The following CLDND2 variants were observed in gnomAD, a reference collection of about 807,000 sequenced individuals.
The protein encoded by CLDND2 is claudin domain-containing protein 2.
CLDND2 carries 18 observed loss-of-function variants against 17.7 expected under a neutral mutation model. That is an observed-to-expected ratio of 1.02 (90% CI 0.70 to 1.51). CLDND2 has a LOEUF of 1.51. CLDND2 is among the 40% of genes most tolerant of loss of function. CLDND2 has a pLI of 0.00. For synonymous variants in CLDND2, 113 were observed against 93.0 expected (o/e 1.22, Z -1.24); for missense variants, 233 against 219.6 (o/e 1.06, Z -0.39).
rs1040713126 is a variant in CLDND2 at position 51,368,091 on chromosome 19, C to T, written c.170-65G>A. On this transcript the variant is annotated intron_variant, in intron 1 of 3. Transcript: ENST00000291715. ...CCAGTCACTACGGGTTCGGCCGCAA[C>T]CGGAAGCTCTCCCGTCTCCTGCCCC... The T allele has an allele frequency of 4.1e-5, 61 of 1,498,302 alleles. No individual in the cohort carries two copies. In the African/African-American group the frequency reaches 7.2e-4, roughly 18 times the overall value. The allele number at this position is 1,498,302 out of a possible 1,614,324, so 92.8% of individuals were successfully genotyped here.
rs975868654 is a variant in CLDND2 at position 51,368,885 on chromosome 19, C to T, written c.-308G>A. The T allele has an allele frequency of 3.0e-5, 9 of 303,988 alleles. No homozygotes were observed. The highest frequency in any genetic ancestry group is 5.0e-5 in the Non-Finnish European group (8 of 161,086). The allele number at this position is 303,988 out of a possible 1,614,324, so 18.8% of individuals were successfully genotyped here. A position where few individuals can be genotyped will look rare whatever the true frequency, so the allele number is the denominator to read the frequency against. Reference sequence around the variant, plus strand: ...CTTCCCAGAGACCTCCCCCGACAGCCGAACGCCCTTTCAGCCCAGCCTGTT... The same window carrying T: ...CTTCCCAGAGACCTCCCCCGACAGCTGAACGCCCTTTCAGCCCAGCCTGTT... On this transcript the variant is annotated 5_prime_UTR_variant, in exon 1 of 4. Coordinates refer to ENST00000291715, the MANE Select transcript of CLDND2 (RefSeq NM_152353.3).
At chr19:51,366,927 C>T (rs1986407292), downstream of CLDND2, among the ~76,000 whole-genome samples, 1 of 152,076 alleles carries the variant, frequency 6.6e-6, no homozygotes, top group African/African-American at 2.4e-5. Context: ...GGCCCCGCCC[C>T]TCCCACATGT....
Position 51,367,359 on chromosome 19 carries a change from AGAGGTCCCCGG to A in CLDND2, c.430+87_430+97del. 7.2e-7 allele frequency: 1 copy of A among 1,381,186 alleles called. No individual in the cohort carries two copies. Among genetic ancestry groups the A allele is most frequent in the Non-Finnish European group, 1.0e-6 (1 of 990,306 alleles). The allele number at this position is 1,381,186 out of a possible 1,614,324, so 85.6% of individuals were successfully genotyped here. Reference sequence around the variant, plus strand: ...TCGTTAGTGTGTTGGGGAGTCCCCGAGAGGTCCCCGGGGTTTCCTGGGAGGGCAGCTGGGGA... The same window carrying A: ...TCGTTAGTGTGTTGGGGAGTCCCCGAGGTTTCCTGGGAGGGCAGCTGGGGA... On this transcript the variant is annotated intron_variant, in intron 3 of 3. Coordinates refer to ENST00000291715, the MANE Select transcript of CLDND2 (RefSeq NM_152353.3). This position sits in a 1 kb window ranked among gnomAD's most constrained non-coding sequence, Gnocchi z 7.4.
downstream of CLDND2, among the ~76,000 whole-genome samples, chr19:51,366,931 C>T (rs1009321962): frequency 1.7e-4 from 26 of 152,082 alleles, no homozygotes; most frequent in African/African-American, 5.6e-4. Context: ...CCGCCCCTCC[C>T]ACATGTCCCT....
At position 51,367,758 on chromosome 19, in the gene CLDND2, C is replaced by G; in HGVS notation, c.310+128G>C. 1 of 1,479,968 alleles carries G rather than the reference C, an allele frequency of 6.8e-7. No individual in the cohort carries two copies. Among genetic ancestry groups the G allele is most frequent in the Non-Finnish European group, 8.9e-7 (1 of 1,118,768 alleles). The allele number at this position is 1,479,968 out of a possible 1,614,324, so 91.7% of individuals were successfully genotyped here. On this transcript the variant is annotated intron_variant, in intron 2 of 3. Transcript: ENST00000291715. This position sits in a 1 kb window ranked among gnomAD's most constrained non-coding sequence, Gnocchi z 7.4. ...TCTGTCTCGAGCCCCGCCCACCTCT[C>G]TCGGCTTCTTCCAGCCCTGCCCCTC... is the stretch of plus-strand genomic sequence containing the variant.
At position 51,367,694 on chromosome 19, in the gene CLDND2, C is replaced by G; in HGVS notation, c.311-118G>C. 3.3e-6 allele frequency: 5 copies of G among 1,493,114 alleles called. No individual in the cohort carries two copies. Among genetic ancestry groups the G allele is most frequent in the Non-Finnish European group, 4.5e-6 (5 of 1,121,664 alleles). 92.5% of individuals were successfully genotyped at this position (1,493,114 alleles called of 1,614,324 possible). ...CCACGCCTATCGCCTCTCAGCCCGC[C>G]CCTGGCCCAGGCCCCTTCCTGCTCC... is the stretch of plus-strand genomic sequence containing the variant. On this transcript the variant is annotated intron_variant, in intron 2 of 3. Coordinates refer to ENST00000291715, the MANE Select transcript of CLDND2 (RefSeq NM_152353.3). The surrounding 1 kb of genome is among the most constrained non-coding windows in gnomAD (Gnocchi z 7.4).
Position 51,368,398 on chromosome 19 carries a change from C to T in CLDND2, c.169+11G>A. 1 of 1,605,902 alleles carries T rather than the reference C, an allele frequency of 6.2e-7. No homozygotes were observed. Among genetic ancestry groups the T allele is most frequent in the South Asian group, 1.1e-5 (1 of 90,398 alleles). ...AAATGCCCTCTGACATCTGGGCGGGCGGAGCCTCACTCTGGCAGGGGATGC... is the reference window on the plus strand; with the variant it reads ...AAATGCCCTCTGACATCTGGGCGGGTGGAGCCTCACTCTGGCAGGGGATGC... On this transcript the variant is annotated intron_variant, in intron 1 of 3. Transcript: ENST00000291715.
At chr19:51,366,986 C>G (rs946900131), downstream of CLDND2, 26 of 683,126 alleles carry the variant, frequency 3.8e-5, no homozygotes, top group Non-Finnish European at 6.4e-5. Flanking sequence ...ATGTCTGTGT[C>G]TCCCTGTCTC....
chr19:51,367,072 C>G (rs1744934864), downstream of CLDND2: 1 of 1,496,144 alleles, frequency 6.7e-7, no homozygotes, highest in Non-Finnish European at 9.3e-7. The surrounding 1 kb of genome is among the most constrained non-coding windows in gnomAD (Gnocchi z 7.4). Flanking sequence ...CCCCACGACC[C>G]GCAGAAAAGC....
rs1986526717 is a variant in CLDND2, at chr19:51,368,407, ACT to A, written c.169_169+1del. The A allele has an allele frequency of 1.9e-6, 3 of 1,609,954 alleles. No individual in the cohort carries two copies. The highest frequency in any genetic ancestry group is 2.5e-6 in the Non-Finnish European group (3 of 1,178,746). On this transcript the variant is annotated splice_donor_variant and coding_sequence_variant, in exon 1 of 4. Coordinates refer to ENST00000291715, the MANE Select transcript of CLDND2 (RefSeq NM_152353.3). LOFTEE classifies it high-confidence loss of function. ...CTGACATCTGGGCGGGCGGAGCCTC[ACT>A]CTGGCAGGGGATGCTGGAGCAGATG...
At chr19:51,368,116 C>T (rs1482498910) in intron 1 of CLDND2, 90 bp from the exon 2 acceptor site, 2 of 1,391,416 alleles carry the variant, frequency 1.4e-6, no homozygotes, top group Non-Finnish European at 1.9e-6. Flanking sequence ...TCTCCTGCCC[C>T]CAACCCGGTG....
chr19:51,367,889 C>G lies in CLDND2; in HGVS notation c.307G>C (p.Gly103Arg). Residue 103 changes from glycine (G) to arginine (R), a missense_variant, in exon 2 of 4, where the codon GGC becomes CGC. Physicochemically the swap from Gly to Arg is moderately radical, Grantham distance 125. Coordinates refer to ENST00000291715, the MANE Select transcript of CLDND2 (RefSeq NM_152353.3). This position sits in a 1 kb window ranked among gnomAD's most constrained non-coding sequence, Gnocchi z 7.4. ...GQTTSAFLFL[G>R]GLLLLTALIG... The stretch of plus-strand genomic sequence containing the variant: ...CTGGGGCGGTCTGCAGTCTCACCGC[C>G]GAGGAAGAGGAAGGCGCTCGTGGTC... 1.9e-6 allele frequency: 3 copies of G among 1,610,828 alleles called. No individual in the cohort carries two copies. The highest frequency in any genetic ancestry group is 2.5e-6 in the Non-Finnish European group (3 of 1,179,646).
At position 51,367,281 on chromosome 19, in the gene CLDND2, C is replaced by A; in HGVS notation, c.431-66G>T. ...CCCTGGGGCGGATGGCCGGGAGGGC[C>A]CCGGGGACTGGGGTTTGGGGCTCCA... is the stretch of plus-strand genomic sequence containing the variant. On this transcript the variant is annotated intron_variant, in intron 3 of 3. Transcript: ENST00000291715. The surrounding 1 kb of genome is among the most constrained non-coding windows in gnomAD (Gnocchi z 7.4). The A allele has an allele frequency of 6.4e-7, 1 of 1,556,510 alleles. No homozygotes were observed. Among genetic ancestry groups the A allele is most frequent in the Non-Finnish European group, 8.8e-7 (1 of 1,130,308 alleles).
At chr19:51,366,885 C>G (rs1986404779), downstream of CLDND2, among the ~76,000 whole-genome samples, 1 of 152,086 alleles carries the variant, frequency 6.6e-6, no homozygotes, top group Non-Finnish European at 1.5e-5. Context: ...ACAGCCTCTC[C>G]ACACCCTCTC....
Position 51,367,774 on chromosome 19 carries a change from C to T in CLDND2, c.310+112G>A. 1 of 1,492,408 alleles carries T rather than the reference C, an allele frequency of 6.7e-7. No individual in the cohort carries two copies. Among genetic ancestry groups the T allele is most frequent in the South Asian group, 1.3e-5 (1 of 76,738 alleles). 92.4% of individuals were successfully genotyped at this position (1,492,408 alleles called of 1,614,324 possible). On this transcript the variant is annotated intron_variant, in intron 2 of 3. Coordinates refer to ENST00000291715, the MANE Select transcript of CLDND2 (RefSeq NM_152353.3). The surrounding 1 kb of genome is among the most constrained non-coding windows in gnomAD (Gnocchi z 7.4). ...CCCACCTCTCTCGGCTTCTTCCAGCCCTGCCCCTCGGATCCTGGCCGAGTA... is the reference window on the plus strand; with the variant it reads ...CCCACCTCTCTCGGCTTCTTCCAGCTCTGCCCCTCGGATCCTGGCCGAGTA...
At chr19:51,368,160 T>C (rs1292158381) in intron 1 of CLDND2, 134 bp from the exon 2 acceptor site, 3 of 1,055,546 alleles carry the variant, frequency 2.8e-6, no homozygotes, top group Non-Finnish European at 4.0e-6. Context: ...CGACCGGGAG[T>C]CAGGCGTTTG....
chr19:51,367,330 G>A lies in CLDND2; in HGVS notation c.431-115C>T. 1 of 1,380,136 alleles carries A rather than the reference G, an allele frequency of 7.2e-7. No individual in the cohort carries two copies. The highest frequency in any genetic ancestry group is 1.0e-6 in the Non-Finnish European group (1 of 985,224). 85.5% of individuals were successfully genotyped at this position (1,380,136 alleles called of 1,614,324 possible). ...CAAGGGGGTCTCTGCCGGGTCTGCG[G>A]GAGTCGTTAGTGTGTTGGGGAGTCC... On this transcript the variant is annotated intron_variant, in intron 3 of 3. Transcript: ENST00000291715. The surrounding 1 kb of genome is among the most constrained non-coding windows in gnomAD (Gnocchi z 7.4).
At chr19:51,368,343 C>T in intron 1 of CLDND2, 66 bp downstream of exon 1, 1 of 1,529,778 alleles carries the variant, frequency 6.5e-7, no homozygotes, top group Non-Finnish European at 8.8e-7. Context: ...GCCATGGGCC[C>T]AGCTGTGTGT....
rs1293800617 is a variant in CLDND2 at position 51,367,830 on chromosome 19, C to A, written c.310+56G>T. 6.3e-7 allele frequency: 1 copy of A among 1,587,028 alleles called. No homozygotes were observed. Among genetic ancestry groups the A allele is most frequent in the Admixed American group, 1.7e-5 (1 of 57,782 alleles). On this transcript the variant is annotated intron_variant, in intron 2 of 3. Coordinates refer to ENST00000291715, the MANE Select transcript of CLDND2 (RefSeq NM_152353.3). This position sits in a 1 kb window ranked among gnomAD's most constrained non-coding sequence, Gnocchi z 7.4. Reference sequence around the variant, plus strand: ...AGCCCCTCCCCTGGCGACCAGGCCCCTCCATCACCCAGGGCCCGCCCCTGC... The same window carrying A: ...AGCCCCTCCCCTGGCGACCAGGCCCATCCATCACCCAGGGCCCGCCCCTGC...
Sources: gnomAD v4.1 joint callset for allele counts (sites outside exome capture counted in the v4.1 genomes callset) on GRCh38, gnomAD v4.1.1 for gene constraint, Gnocchi (gnomAD v3.1) non-coding constraint, MANE v1.5 for transcripts, NCBI Gene and HGNC (gene_info 2026-07-23, HGNC 2026-07-21) for gene names.